RALGAPA1: variants seen among roughly 807,000 people sequenced by gnomAD.
The protein encoded by RALGAPA1 is ral GTPase-activating protein subunit alpha-1.
A neutral mutation model predicts 269.6 loss-of-function variants in RALGAPA1; 52 were observed. The ratio of observed to expected loss-of-function variants is 0.19; its 90% confidence interval spans 0.15 to 0.24. The LOEUF (loss-of-function observed/expected upper bound fraction) is 0.24, where lower values mean the gene tolerates loss of function less well. Ranked by LOEUF, RALGAPA1 falls within the 10% of genes least tolerant of loss-of-function variation. The pLI is 1.00. For missense variants in RALGAPA1, 1,917 were observed against 3,013.9 expected (o/e 0.64, Z 8.52); for synonymous variants, 817 against 1,008.3 (o/e 0.81, Z 3.60).
intron 1 of RALGAPA1, among the ~76,000 whole-genome samples, chr14:35,803,899 C>T (rs777058202): frequency 1.3e-5 from 2 of 151,848 alleles, no homozygotes; most frequent in Non-Finnish European, 2.9e-5. Flanking sequence ...GCTGAGATTA[C>T]AGGCATGAGC....
At chr14:35,636,939 A>G (rs1010162598) in intron 31 of RALGAPA1, among the ~76,000 whole-genome samples, 4 of 152,206 alleles carry the variant, frequency 2.6e-5, no homozygotes, top group African/African-American at 9.7e-5. Context: ...AAGAGAGAAG[A>G]TGGGAACTTG....
At chr14:35,559,762 A>G (rs1283976286) in intron 39 of RALGAPA1, among the ~76,000 whole-genome samples, 2 of 152,206 alleles carry the variant, frequency 1.3e-5, no homozygotes, top group Non-Finnish European at 2.9e-5. Flanking sequence ...TCAATGTATT[A>G]TAAGACTAGG....
chr14:35,596,364 T>C (rs1167892431), intron 36 of RALGAPA1, among the ~76,000 whole-genome samples: 3 of 152,090 alleles, frequency 2.0e-5, no homozygotes, highest in Non-Finnish European at 4.4e-5. Flanking sequence ...ATCAGGGTTG[T>C]TGCATTGGAT....
intron 35 of RALGAPA1, among the ~76,000 whole-genome samples, chr14:35,618,225 G>A (rs546887084): frequency 1.3e-5 from 2 of 152,052 alleles, no homozygotes; most frequent in South Asian, 2.1e-4. Context: ...GACTATAACC[G>A]AACTCAAAAT....
At chr14:35,590,920 G>C (rs190818467) in intron 37 of RALGAPA1, among the ~76,000 whole-genome samples, 116 of 152,320 alleles carry the variant, frequency 7.6e-4, no homozygotes, top group African/African-American at 2.6e-3. Flanking sequence ...ATAAACTGAG[G>C]ATAGGATTTT....
At chr14:35,678,402 T>C (rs1157806164) in intron 21 of RALGAPA1, among the ~76,000 whole-genome samples, 4 of 152,184 alleles carry the variant, frequency 2.6e-5, no homozygotes, top group Non-Finnish European at 4.4e-5. Context: ...ATAGAAACTC[T>C]AGTACCTACT....
intron 18 of RALGAPA1, among the ~76,000 whole-genome samples, chr14:35,688,135 CATACTTGTGGTATACACTCAGAAAA>C (rs2066120398): frequency 6.6e-6 from 1 of 152,132 alleles, no homozygotes; most frequent in Non-Finnish European, 1.5e-5. Context: ...TCTTAATTTC[CATACTTGTGGTATACACTCAGAAAA>C]ATACTTGATT....
chr14:35,578,774 G>A (rs1441097964), intron 37 of RALGAPA1, among the ~76,000 whole-genome samples: 2 of 152,174 alleles, frequency 1.3e-5, no homozygotes, highest in Non-Finnish European at 2.9e-5. Context: ...AGACAAAGGT[G>A]TCTATAGATA....
intron 9 of RALGAPA1, among the ~76,000 whole-genome samples, 162 bp downstream of exon 9, chr14:35,750,320 T>G (rs1486712930): frequency 6.6e-6 from 1 of 152,198 alleles, no homozygotes; most frequent in Non-Finnish European, 1.5e-5. Context: ...ATTAAGAAAC[T>G]TATTAATTCT....
At chr14:35,658,846 A>G (rs764005985) in intron 28 of RALGAPA1, among the ~76,000 whole-genome samples, 43 of 152,042 alleles carry the variant, frequency 2.8e-4, no homozygotes, top group Non-Finnish European at 4.7e-4. Context: ...ATTGACAAAT[A>G]TAACTGAACA....
At chr14:35,680,388 T>G (rs1046353055) in intron 21 of RALGAPA1, among the ~76,000 whole-genome samples, 2 of 151,500 alleles carry the variant, frequency 1.3e-5, no homozygotes, top group Non-Finnish European at 2.9e-5. Context: ...TTTGTATCTT[T>G]AGTAGAGAGG....
chr14:35,675,929 T>C (rs969401231), intron 22 of RALGAPA1, among the ~76,000 whole-genome samples: 2 of 152,206 alleles, frequency 1.3e-5, no homozygotes, highest in African/African-American at 4.8e-5. Flanking sequence ...CTCCTAATGG[T>C]TAACTTTTTT....
intron 35 of RALGAPA1, among the ~76,000 whole-genome samples, chr14:35,615,643 T>C (rs912856997): frequency 3.9e-5 from 6 of 152,172 alleles, no homozygotes; most frequent in Non-Finnish European, 5.9e-5. Context: ...TAAAAAAATG[T>C]ATGCTGACTC....
intron 31 of RALGAPA1, among the ~76,000 whole-genome samples, chr14:35,642,119 C>A (rs892207499): frequency 6.6e-6 from 1 of 152,148 alleles, no homozygotes; most frequent in Non-Finnish European, 1.5e-5. Flanking sequence ...AGACTTAAAT[C>A]TAAGACCTCA....
chr14:35,748,279 AACTAAGAATTACT>A (rs1269007385), intron 10 of RALGAPA1: 4 of 173,770 alleles, frequency 2.3e-5, no homozygotes, highest in Non-Finnish European at 4.8e-5. Flanking sequence ...AAAATTCTTA[AACTAAGAATTACT>A]ACTAAGAATT....
At chr14:35,808,604 T>C in intron 1 of RALGAPA1, 126 bp downstream of exon 1, 1 of 976,610 alleles carries the variant, frequency 1.0e-6, no homozygotes, top group Non-Finnish European at 1.5e-6. Context: ...CTCCCGCGTC[T>C]CCGCAGAGGC....
chr14:35,584,465 A>C (rs2058149414), intron 37 of RALGAPA1, among the ~76,000 whole-genome samples: 1 of 152,130 alleles, frequency 6.6e-6, no homozygotes, highest in African/African-American at 2.4e-5. Flanking sequence ...AGGTTTCACC[A>C]TGTTGCCCAG....
chr14:35,645,234 A>G (rs2062325481), intron 31 of RALGAPA1, among the ~76,000 whole-genome samples: 1 of 152,036 alleles, frequency 6.6e-6, no homozygotes, highest in Non-Finnish European at 1.5e-5. Context: ...CTCACGACCT[A>G]ATTACCTCTC....
intron 17 of RALGAPA1, among the ~76,000 whole-genome samples, chr14:35,696,316 A>G (rs1020885964): frequency 6.6e-6 from 1 of 152,198 alleles, no homozygotes; most frequent in Non-Finnish European, 1.5e-5. Flanking sequence ...TGGGAGGCTG[A>G]GGCAGGGAAG....
Sources: allele counts gnomAD v4.1 joint callset (sites outside exome capture counted in the v4.1 genomes callset), GRCh38; gene constraint gnomAD v4.1.1; transcripts MANE v1.5; gene names NCBI Gene and HGNC (gene_info 2026-07-23, HGNC 2026-07-21).